Variants in PCNX1 observed in about 807,000 individuals in gnomAD.
PCNX1 encodes the protein pecanex 1.
In PCNX1, 78 loss-of-function variants were observed where a neutral mutation model predicts 242.2. The observed-to-expected ratio is 0.32, with a 90% CI of 0.27 to 0.39. The LOEUF (loss-of-function observed/expected upper bound fraction) is 0.39. Among genes scored for constraint, PCNX1 ranks in the 10% least tolerant of loss-of-function variants. PCNX1 has a pLI of 1.00. For synonymous variants in PCNX1, 1,024 were observed against 1,032.9 expected, an observed-to-expected ratio of 0.99 and a Z score of 0.17; for missense variants, 2,581 against 2,856.5, an observed-to-expected ratio of 0.90 and a Z score of 2.20.
chr14:70,932,040 T>C (rs796353842), intron 1 of PCNX1, among the ~76,000 whole-genome samples: 5 of 152,264 alleles, frequency 3.3e-5, no homozygotes, highest in African/African-American at 1.2e-4. Context: ...GGCAGGAGAA[T>C]CGCTTGAACC....
chr14:70,985,123 T>G (rs969524337), intron 6 of PCNX1, among the ~76,000 whole-genome samples: 23 of 152,234 alleles, frequency 1.5e-4, no homozygotes, highest in African/African-American at 2.4e-5. Flanking sequence ...AGTAAATGCT[T>G]AAACTTAATT....
At chr14:70,908,431 C>T (rs1037143073) in intron 1 of PCNX1, among the ~76,000 whole-genome samples, 3 of 152,126 alleles carry the variant, frequency 2.0e-5, no homozygotes, top group Non-Finnish European at 4.4e-5. Flanking sequence ...CGGCACTGCC[C>T]GCCCCCGCCG....
chr14:71,033,894 A>T, intron 17 of PCNX1, 37 bp from the exon 18 acceptor site: 1 of 1,061,994 alleles, frequency 9.4e-7, no homozygotes, highest in Non-Finnish European at 1.4e-6. Context: ...TTTTCAGATT[A>T]TCTATGTATT....
At chr14:70,951,938 C>T (rs564601017) in intron 2 of PCNX1, among the ~76,000 whole-genome samples, 57 of 152,196 alleles carry the variant, frequency 3.7e-4, no homozygotes, top group African/African-American at 1.3e-3. Flanking sequence ...TTTCCTACGC[C>T]TATTCTATTT....
chr14:70,928,700 A>AT (rs2140142285), intron 1 of PCNX1, among the ~76,000 whole-genome samples: 2 of 152,310 alleles, frequency 1.3e-5, no homozygotes, highest in South Asian at 4.1e-4. Flanking sequence ...CTATATAGCC[A>AT]TTCTTTCAGT....
At chr14:71,101,714 G>T (rs2062466088) in intron 30 of PCNX1, among the ~76,000 whole-genome samples, 1 of 152,022 alleles carries the variant, frequency 6.6e-6, no homozygotes, top group Non-Finnish European at 1.5e-5. Flanking sequence ...CAACTTGAAA[G>T]AGAAAAACAA....
intron 19 of PCNX1, chr14:71,044,558 C>T (rs986392942): frequency 6.6e-6 from 1 of 152,432 alleles, no homozygotes; most frequent in Non-Finnish European, 1.5e-5. Flanking sequence ...AGATGACCCT[C>T]CTGCGAAGCA....
intron 31 of PCNX1, 37 bp from the exon 32 acceptor site, chr14:71,103,358 G>A: frequency 6.3e-7 from 1 of 1,598,610 alleles, no homozygotes; most frequent in Non-Finnish European, 8.6e-7. Context: ...TTTATTCTTG[G>A]CCCCTTAACC....
intron 1 of PCNX1, among the ~76,000 whole-genome samples, chr14:70,945,667 G>A (rs2057427493): frequency 6.6e-6 from 1 of 151,380 alleles, no homozygotes; most frequent in Admixed American, 6.6e-5. Context: ...AGTGATTTGA[G>A]GTTAACTTTT....
At chr14:71,013,579 CTT>C (rs1261176128) in intron 11 of PCNX1, among the ~76,000 whole-genome samples, 2 of 123,304 alleles carry the variant, frequency 1.6e-5, no homozygotes, top group East Asian at 4.2e-4. Flanking sequence ...ACACTACTCT[CTT>C]AATGGCAAAC....
In PCNX1 at chr14:71,109,724, G is replaced by A. The variant is rs370898112; in HGVS notation, c.6886-71G>A. 35 of 1,572,736 alleles carry A rather than the reference G, an allele frequency of 2.2e-5. No individual in the cohort carries two copies. In the East Asian group the frequency reaches 7.4e-4, roughly 33 times the overall value. On this transcript the variant is annotated intron_variant, in intron 35 of 35. Coordinates refer to ENST00000304743, the MANE Select transcript of PCNX1 (RefSeq NM_014982.3). The stretch of plus-strand genomic sequence containing the variant: ...ACAAAATTGCTACTACTAATCCTAG[G>A]TAGGGGTAAGAGTTTGTGAGTATAT...
chr14:71,050,858 G>T, intron 23 of PCNX1, 98 bp downstream of exon 23: 3 of 1,112,392 alleles, frequency 2.7e-6, no homozygotes, highest in Non-Finnish European at 3.9e-6. Context: ...AGTTTACTGT[G>T]TAATGAATTA....
chr14:70,957,934 T>A (rs2810105), intron 2 of PCNX1, among the ~76,000 whole-genome samples: 106,914 of 151,988 alleles, frequency 0.7, 37,602 homozygotes, highest in South Asian at 0.77. Flanking sequence ...CCATCTTCTG[T>A]TTTCTTTGGA....
At chr14:71,013,790 G>T (rs2059887695) in intron 11 of PCNX1, among the ~76,000 whole-genome samples, 1 of 152,200 alleles carries the variant, frequency 6.6e-6, no homozygotes, top group South Asian at 2.1e-4. Context: ...CCAGCTTAAT[G>T]CTTTGAGAGA....
At chr14:71,025,127 T>C (rs1048373913) in intron 13 of PCNX1, among the ~76,000 whole-genome samples, 8 of 152,192 alleles carry the variant, frequency 5.3e-5, no homozygotes, top group Admixed American at 3.3e-4. Flanking sequence ...CATTTATTAG[T>C]TGACTATTTA....
At chr14:70,957,366 C>G (rs2058035925) in intron 2 of PCNX1, among the ~76,000 whole-genome samples, 1 of 152,072 alleles carries the variant, frequency 6.6e-6, no homozygotes, top group African/African-American at 2.4e-5. Context: ...ATGTATAAAA[C>G]TAGGCAAGAT....
chr14:70,949,252 TAC>T (rs369132301), intron 2 of PCNX1, among the ~76,000 whole-genome samples: 113 of 72,688 alleles, frequency 1.6e-3, no homozygotes, highest in East Asian at 8.2e-3. Flanking sequence ...CACACGTGTA[TAC>T]ACACACACGT....
chr14:70,909,179 A>G (rs920079692), intron 1 of PCNX1, among the ~76,000 whole-genome samples: 2 of 152,174 alleles, frequency 1.3e-5, no homozygotes, highest in Non-Finnish European at 2.9e-5. Context: ...TTGGCAGGAA[A>G]AGTGTCTGCT....
chr14:70,910,626 C>T (rs1370165504), intron 1 of PCNX1, among the ~76,000 whole-genome samples: 1 of 152,152 alleles, frequency 6.6e-6, no homozygotes. Context: ...GCAACTTCCC[C>T]AGCTCTCACA....
Sources: gnomAD v4.1 joint callset for allele counts (sites outside exome capture counted in the v4.1 genomes callset) on GRCh38, gnomAD v4.1.1 for gene constraint, MANE v1.5 for transcripts, NCBI Gene and HGNC (gene_info 2026-07-23, HGNC 2026-07-21) for gene names.